Variants in BCL2L14 observed in about 807,000 individuals in gnomAD.
BCL2L14 encodes the protein BCL2 like 14.
BCL2L14 carries 27 observed loss-of-function variants against 35.3 expected under a neutral mutation model. The ratio of observed to expected loss-of-function variants is 0.76; its 90% CI spans 0.56 to 1.05. BCL2L14 has a LOEUF of 1.05. BCL2L14 is among the 50% of genes least tolerant of loss of function. The pLI is 0.00. For missense variants in BCL2L14, 377 were observed against 382.6 expected (o/e 0.99, Z 0.12); for synonymous variants, 139 against 145.9 (o/e 0.95, Z 0.34).
chr12:12,068,534 C>G (rs2430603), upstream of BCL2L14, among the ~76,000 whole-genome samples: 9,487 of 152,144 alleles, frequency 0.062, 1,037 homozygotes, highest in African/African-American at 0.22. Context: ...TACCAAGTAG[C>G]TAGGACTACA....
chr12:12,086,926 C>T (rs1408705885), intron 2 of BCL2L14, among the ~76,000 whole-genome samples: 10 of 152,208 alleles, frequency 6.6e-5, no homozygotes, highest in Admixed American at 6.5e-4. Flanking sequence ...TGTCTCTTCC[C>T]TTGCAAAGGG....
At chr12:12,065,631 A>C (rs181737849) in intron 2 of BCL2L14, among the ~76,000 whole-genome samples, 10 of 152,030 alleles carry the variant, frequency 6.6e-5, no homozygotes, top group Non-Finnish European at 1.5e-4. Flanking sequence ...TAGATGGGAA[A>C]AGTAATGGAA....
At chr12:12,093,756 G>A (rs1264522113) in intron 4 of BCL2L14, among the ~76,000 whole-genome samples, 8 of 144,782 alleles carry the variant, frequency 5.5e-5, no homozygotes, top group Non-Finnish European at 6.0e-5. Context: ...TCGCGCCTCT[G>A]CACTCCAGTC....
chr12:12,080,617 C>T (rs1484479991), intron 2 of BCL2L14, among the ~76,000 whole-genome samples: 1 of 138,002 alleles, frequency 7.2e-6, no homozygotes, highest in Non-Finnish European at 1.5e-5. Context: ...AAGACTTTGT[C>T]TCAAAAAAAA....
intron 2 of BCL2L14, among the ~76,000 whole-genome samples, chr12:12,058,122 T>C (rs73066074): frequency 0.45 from 67,634 of 151,406 alleles, 16,284 homozygotes; most frequent in East Asian, 0.75. Context: ...CTAAATTTTT[T>C]TGTGTTTTTA....
At chr12:12,072,657 A>T (rs1948692034) in intron 1 of BCL2L14, among the ~76,000 whole-genome samples, 1 of 152,200 alleles carries the variant, frequency 6.6e-6, no homozygotes, top group Non-Finnish European at 1.5e-5. Flanking sequence ...TTCTGTCAAC[A>T]TAAGCATAAA....
chr12:12,093,130 CAG>C (rs1230623428), intron 4 of BCL2L14, among the ~76,000 whole-genome samples: 2 of 152,098 alleles, frequency 1.3e-5, no homozygotes, highest in African/African-American at 4.8e-5. Flanking sequence ...GGAGGTAAAG[CAG>C]AGAGATACCA....
chr12:12,094,410 A>G lies in BCL2L14; in HGVS notation c.679-254A>G, dbSNP rs911817985. Reference sequence around the variant, plus strand: ...TGCCCATTATAAGTGCTCAGGAAATATTTGTTAAATGTCAAATGAACTGAC... The same window carrying G: ...TGCCCATTATAAGTGCTCAGGAAATGTTTGTTAAATGTCAAATGAACTGAC... On this transcript the variant is annotated intron_variant, in intron 4 of 5. Coordinates refer to ENST00000308721, the MANE Select transcript of BCL2L14 (RefSeq NM_138723.2). 11 of 1,086,602 alleles carry G rather than the reference A, an allele frequency of 1.0e-5. No homozygotes were observed. The African/African-American group carries it at 1.5e-4, about 15-fold the overall frequency. 67.3% of individuals were successfully genotyped at this position (1,086,602 alleles called of 1,614,324 possible).
At chr12:12,067,200 T>C (rs1272540735), upstream of BCL2L14, among the ~76,000 whole-genome samples, 1 of 152,058 alleles carries the variant, frequency 6.6e-6, no homozygotes, top group Admixed American at 6.6e-5. Context: ...TTTAGTGCTA[T>C]CATTCACTGG....
In BCL2L14 at chr12:12,099,254, G is replaced by C; in HGVS notation, c.*266G>C. On this transcript the variant is annotated 3_prime_UTR_variant, in exon 6 of 6. Transcript: ENST00000308721. Reference sequence around the variant, plus strand: ...ATCTGTAAAGATAAGTGGTGATGTTGTTTCAAACGTTCAGAACAGATACCA... The same window carrying C: ...ATCTGTAAAGATAAGTGGTGATGTTCTTTCAAACGTTCAGAACAGATACCA... 1 of 464,092 alleles carries C rather than the reference G, an allele frequency of 2.2e-6. No individual in the cohort carries two copies. Among genetic ancestry groups the C allele is most frequent in the Non-Finnish European group, 3.9e-6 (1 of 256,532 alleles). The allele number at this position is 464,092 out of a possible 1,614,324, so 28.7% of individuals were successfully genotyped here.
At position 12,058,939 on chromosome 12, in the gene BCL2L14, C is replaced by T. The variant is rs375359593; in HGVS notation, c.-272+7092C>T. On this transcript the variant is annotated intron_variant, in intron 2 of 3. Transcript: ENST00000461264. Reference sequence around the variant, plus strand: ...ACCAATTTCAAATCCAGTAAGCGGCCTCTTTTTACTCTCTTCTCCAACCTC... The same window carrying T: ...ACCAATTTCAAATCCAGTAAGCGGCTTCTTTTTACTCTCTTCTCCAACCTC... 2.6e-5 allele frequency among the ~76,000 whole-genome samples: 4 copies of T among 152,230 alleles called. No individual in the cohort carries two copies. In the South Asian group the frequency reaches 8.3e-4, roughly 32 times the overall value.
intron 1 of BCL2L14, among the ~76,000 whole-genome samples, chr12:12,072,965 C>G (rs983585341): frequency 6.6e-6 from 1 of 152,010 alleles, no homozygotes; most frequent in Non-Finnish European, 1.5e-5. Context: ...TAGCTCACTG[C>G]AGCCTCCAAC....
At chr12:12,086,713 C>T (rs187803670) in intron 2 of BCL2L14, among the ~76,000 whole-genome samples, 8 of 152,344 alleles carry the variant, frequency 5.3e-5, no homozygotes, top group Non-Finnish European at 1.0e-4. Context: ...TGATAATGGA[C>T]TTGGATGATG....
chr12:12,062,874 C>T (rs1382725819), intron 2 of BCL2L14, among the ~76,000 whole-genome samples: 1 of 152,208 alleles, frequency 6.6e-6, no homozygotes, highest in African/African-American at 2.4e-5. Flanking sequence ...TTACAGTCCT[C>T]AGTCTTCAGG....
chr12:12,081,712 C>G (rs964790728), intron 2 of BCL2L14, among the ~76,000 whole-genome samples: 1 of 152,036 alleles, frequency 6.6e-6, no homozygotes, highest in Admixed American at 6.6e-5. Flanking sequence ...GCGCGCACCA[C>G]CAGGCCTGGC....
intron 1 of BCL2L14, among the ~76,000 whole-genome samples, chr12:12,075,280 G>A (rs1283456996): frequency 6.6e-6 from 1 of 151,892 alleles, no homozygotes; most frequent in African/African-American, 2.4e-5. Flanking sequence ...CTGCCATCAT[G>A]CCCAGCTAAT....
chr12:12,084,120 TTTA>T (rs1680255226), intron 2 of BCL2L14, among the ~76,000 whole-genome samples: 2 of 152,166 alleles, frequency 1.3e-5, no homozygotes, highest in South Asian at 4.2e-4. Flanking sequence ...TCCCTTTTAT[TTTA>T]TTATTATTTT....
At position 12,058,500 on chromosome 12, in the gene BCL2L14, T is replaced by C. The variant is rs1305184674; in HGVS notation, c.-272+6653T>C. 2.0e-5 allele frequency among the ~76,000 whole-genome samples: 3 copies of C among 152,088 alleles called. No individual in the cohort carries two copies. In the East Asian group the frequency reaches 5.8e-4, roughly 29 times the overall value. On this transcript the variant is annotated intron_variant, in intron 2 of 3. Transcript: ENST00000461264. Reference sequence around the variant, plus strand: ...CATTCTACCACAAAAGAAGTGAAAATGGCCTGTTCCTGCCTTAACTGATGA... The same window carrying C: ...CATTCTACCACAAAAGAAGTGAAAACGGCCTGTTCCTGCCTTAACTGATGA...
intron 3 of BCL2L14, among the ~76,000 whole-genome samples, chr12:12,090,147 C>A (rs1325198615): frequency 2.0e-5 from 3 of 152,144 alleles, no homozygotes; most frequent in African/African-American, 7.2e-5. Flanking sequence ...TAGACAGAAT[C>A]CTGTGCTGTG....
Sources: gnomAD v4.1 joint callset for allele counts (sites outside exome capture counted in the v4.1 genomes callset) on GRCh38, gnomAD v4.1.1 for gene constraint, MANE v1.5 for transcripts, NCBI Gene and HGNC (gene_info 2026-07-23, HGNC 2026-07-21) for gene names.